Variants in PSMG2 observed in about 807,000 individuals in gnomAD.
PSMG2 encodes proteasome assembly chaperone 2, also known as CD40 ligand-activated specific transcript 3.
In PSMG2, 21 loss-of-function variants were observed where a neutral mutation model predicts 31.5. The observed-to-expected ratio is 0.67, with a 90% CI of 0.47 to 0.96. The LOEUF (loss-of-function observed/expected upper bound fraction) is 0.96, where lower values mean the gene tolerates loss of function less well. Among genes scored for constraint, PSMG2 ranks in the 40% least tolerant of loss-of-function variants. The pLI is 0.00. For missense variants in PSMG2, 318 were observed against 321.2 expected (o/e 0.99, Z 0.08); for synonymous variants, 120 against 110.4 (o/e 1.09, Z -0.54).
chr18:12,680,900 TATA>T (rs1204034091), intron 1 of PSMG2: 43 of 1,345,260 alleles, frequency 3.2e-5, no homozygotes, highest in Non-Finnish European at 4.0e-5. Context: ...AATACTAAAT[TATA>T]ATAAAAATTT....
chr18:12,663,758 C>T (rs1273508754), intron 1 of PSMG2, among the ~76,000 whole-genome samples: 5 of 151,984 alleles, frequency 3.3e-5, no homozygotes, highest in Non-Finnish European at 7.4e-5. Context: ...TTTAATTTTT[C>T]CTGATTGATT....
chr18:12,714,137 T>C (rs2040355843), intron 3 of PSMG2, among the ~76,000 whole-genome samples: 1 of 152,256 alleles, frequency 6.6e-6, no homozygotes, highest in Non-Finnish European at 1.5e-5. Flanking sequence ...TGAGGCTGTA[T>C]ATCTGTGCTA....
At chr18:12,667,621 C>T (rs567713467) in intron 1 of PSMG2, among the ~76,000 whole-genome samples, 1 of 147,760 alleles carries the variant, frequency 6.8e-6, no homozygotes, top group African/African-American at 2.5e-5. Context: ...ATTAGCCGGG[C>T]GTGGTGGCAC....
chr18:12,669,607 A>G (rs1314755602), intron 1 of PSMG2, among the ~76,000 whole-genome samples: 1 of 152,190 alleles, frequency 6.6e-6, no homozygotes, highest in Non-Finnish European at 1.5e-5. Flanking sequence ...CATATTGTCA[A>G]GAACACCACC....
At chr18:12,688,390 T>C (rs552016574) in intron 1 of PSMG2, among the ~76,000 whole-genome samples, 4 of 152,232 alleles carry the variant, frequency 2.6e-5, no homozygotes, top group African/African-American at 9.6e-5. Flanking sequence ...ATAATGAATT[T>C]TTAAGTATAA....
At chr18:12,673,027 A>G (rs1292716989) in intron 1 of PSMG2, 1 of 1,014,550 alleles carries the variant, frequency 9.9e-7, no homozygotes, top group Non-Finnish European at 1.2e-6. Flanking sequence ...CCTTAGACAA[A>G]CATCTCTTTG....
rs1482617591 is a variant in PSMG2 at position 12,661,026 on chromosome 18, G to A, written c.-37+2253G>A. Among the ~76,000 whole-genome samples, 3 of 152,282 alleles carry A rather than the reference G, an allele frequency of 2.0e-5. No homozygotes were observed. The East Asian group carries it at 5.8e-4, about 29-fold the overall frequency. ...GTACTCCTTAAAGTTTTGATAAGCTGGCCAGGCATGGTGGCTCACGCCTGT... is the reference window on the plus strand; with the variant it reads ...GTACTCCTTAAAGTTTTGATAAGCTAGCCAGGCATGGTGGCTCACGCCTGT... On this transcript the variant is annotated intron_variant, in intron 1 of 6. Coordinates refer to the PSMG2 transcript ENST00000585331.
chr18:12,677,807 A>G (rs775620753), intron 1 of PSMG2, among the ~76,000 whole-genome samples: 1 of 152,180 alleles, frequency 6.6e-6, no homozygotes, highest in Non-Finnish European at 1.5e-5. Flanking sequence ...CATTTCACAA[A>G]GACAAAATCC....
At position 12,670,129 on chromosome 18, in the gene PSMG2, C is replaced by G. The variant is rs186452891; in HGVS notation, c.-37+11356C>G. Among the ~76,000 whole-genome samples the G allele has an allele frequency of 1.8e-3, 276 of 152,116 alleles. 1 individual carries two copies. The highest frequency in any genetic ancestry group is 6.4e-3 in the African/African-American group (267 of 41,514). ...TGGATTGCCTGAGCTCAGGAGTTCG[C>G]GACCAGCCTGGGCAACAAGGTGAAA... On this transcript the variant is annotated intron_variant, in intron 1 of 6. Transcript: ENST00000585331.
chr18:12,670,330 A>C (rs1159007597), intron 1 of PSMG2: 2 of 124,656 alleles, frequency 1.6e-5, no homozygotes, highest in Non-Finnish European at 3.9e-5. Flanking sequence ...ACTCTGTCTC[A>C]AAAAAAAAAG....
At chr18:12,702,488 T>G, upstream of PSMG2, 1 of 1,607,934 alleles carries the variant, frequency 6.2e-7, no homozygotes, top group South Asian at 1.1e-5. Flanking sequence ...ACTCTCACCT[T>G]GCTCAGCTGC....
chr18:12,686,284 A>G (rs764457288), intron 1 of PSMG2: 1 of 1,614,024 alleles, frequency 6.2e-7, no homozygotes, highest in Admixed American at 1.7e-5. Flanking sequence ...GAGAAAGGCC[A>G]GCAGAGTGCA....
At position 12,660,336 on chromosome 18, in the gene PSMG2, T is replaced by A. The variant is rs183687601; in HGVS notation, c.-37+1563T>A. ...AAAAGATGCATTTTTTTTTTTTTTT[T>A]AATTGAGACAGAGTCTCACCCTGTC... On this transcript the variant is annotated intron_variant, in intron 1 of 6. Coordinates refer to the PSMG2 transcript ENST00000585331. Among the ~76,000 whole-genome samples the A allele has an allele frequency of 2.6e-5, 4 of 151,300 alleles. 1 individual carries two copies. The South Asian group carries it at 6.3e-4, about 24-fold the overall frequency.
intron 1 of PSMG2, among the ~76,000 whole-genome samples, chr18:12,673,951 G>A (rs971203560): frequency 6.6e-6 from 1 of 152,120 alleles, no homozygotes; most frequent in Non-Finnish European, 1.5e-5. Context: ...TTTTGGTCAA[G>A]CTATTCAAAT....
chr18:12,704,309 G>A (rs2040238255), intron 1 of PSMG2, among the ~76,000 whole-genome samples: 1 of 152,160 alleles, frequency 6.6e-6, no homozygotes, highest in Admixed American at 6.6e-5. Context: ...TTCAGAGACA[G>A]GCATGATGGC....
At chr18:12,707,754 A>G (rs1306271194) in intron 2 of PSMG2, among the ~76,000 whole-genome samples, 1 of 152,238 alleles carries the variant, frequency 6.6e-6, no homozygotes, top group Non-Finnish European at 1.5e-5. Flanking sequence ...TTTAAGGTCA[A>G]ATCCAGAGGT....
chr18:12,693,331 G>A (rs997422318), intron 1 of PSMG2, among the ~76,000 whole-genome samples: 4 of 152,054 alleles, frequency 2.6e-5, no homozygotes, highest in Non-Finnish European at 5.9e-5. Flanking sequence ...GGCTGAGGCA[G>A]GTGGATTGCT....
chr18:12,673,493 A>C (rs1279078975), intron 1 of PSMG2: 2 of 1,579,546 alleles, frequency 1.3e-6, no homozygotes, highest in South Asian at 1.2e-5. Context: ...ATTTCTTCAC[A>C]GAAAGGAGAT....
chr18:12,694,540 C>G (rs992706393), intron 1 of PSMG2, among the ~76,000 whole-genome samples: 3 of 152,094 alleles, frequency 2.0e-5, no homozygotes, highest in African/African-American at 7.2e-5. Flanking sequence ...GGGAAAAAAG[C>G]CTCTCCAAAC....
Sources: allele counts gnomAD v4.1 joint callset (sites outside exome capture counted in the v4.1 genomes callset), GRCh38; gene constraint gnomAD v4.1.1; transcripts MANE v1.5; gene names NCBI Gene and HGNC (gene_info 2026-07-23, HGNC 2026-07-21).